The following KCNB2 variants were observed in gnomAD, a reference collection of about 807,000 sequenced individuals.
KCNB2 encodes the protein potassium voltage-gated channel subfamily B member 2.
In KCNB2, 15 loss-of-function variants were observed where a neutral mutation model predicts 61.5. The observed-to-expected ratio is 0.24, with a 90% CI of 0.16 to 0.38. KCNB2 has a LOEUF of 0.38. KCNB2 is among the 10% of genes least tolerant of loss of function. KCNB2 has a pLI of 1.00. For missense variants in KCNB2, 828 were observed against 1,125.2 expected (o/e 0.74, Z 3.78); for synonymous variants, 457 against 446.0 (o/e 1.02, Z -0.31).
intron 2 of KCNB2, among the ~76,000 whole-genome samples, chr8:72,621,448 A>G (rs1805711687): frequency 6.6e-6 from 1 of 152,242 alleles, no homozygotes; most frequent in Non-Finnish European, 1.5e-5. Context: ...CTTGCTTCCC[A>G]GAAAGTTGGT....
At chr8:72,846,790 ATG>A (rs1471713609) in intron 2 of KCNB2, among the ~76,000 whole-genome samples, 1 of 152,112 alleles carries the variant, frequency 6.6e-6, no homozygotes, top group Non-Finnish European at 1.5e-5. Flanking sequence ...AGAAATAGGA[ATG>A]CTTTTACACT....
chr8:72,883,839 A>ATATAAATTG (rs1467992731), intron 2 of KCNB2, among the ~76,000 whole-genome samples: 1 of 152,224 alleles, frequency 6.6e-6, no homozygotes, highest in African/African-American at 2.4e-5. Context: ...CTTGATGGAC[A>ATATAAATTG]TATAAATTGT....
chr8:72,923,839 A>G (rs1369661234), intron 2 of KCNB2, among the ~76,000 whole-genome samples: 2 of 152,192 alleles, frequency 1.3e-5, no homozygotes, highest in Non-Finnish European at 2.9e-5. Context: ...ATTCTGCCCA[A>G]ACTCTTTAGT....
chr8:72,830,740 T>C (rs1809680421), intron 2 of KCNB2, among the ~76,000 whole-genome samples: 1 of 152,220 alleles, frequency 6.6e-6, no homozygotes, highest in Non-Finnish European at 1.5e-5. Context: ...GAACTAGTAA[T>C]CAACACCTGG....
intron 2 of KCNB2, among the ~76,000 whole-genome samples, chr8:72,862,761 G>A (rs979567753): frequency 6.6e-6 from 1 of 152,110 alleles, no homozygotes; most frequent in African/African-American, 2.4e-5. Flanking sequence ...ATTTCTGTGG[G>A]ACTTTCATTT....
chr8:72,639,045 C>T (rs1806011956), intron 2 of KCNB2, among the ~76,000 whole-genome samples: 1 of 152,166 alleles, frequency 6.6e-6, no homozygotes, highest in South Asian at 2.1e-4. Flanking sequence ...AAGCTCCCTC[C>T]TTCTACCTCC....
At chr8:72,789,974 G>A (rs1431716472) in intron 2 of KCNB2, among the ~76,000 whole-genome samples, 1 of 152,058 alleles carries the variant, frequency 6.6e-6, no homozygotes, top group African/African-American at 2.4e-5. Context: ...GTGAGAAGGT[G>A]AGACTGACTC....
chr8:72,588,815 G>A (rs1274543889), intron 2 of KCNB2, among the ~76,000 whole-genome samples: 1 of 152,066 alleles, frequency 6.6e-6, no homozygotes, highest in African/African-American at 2.4e-5. Flanking sequence ...AGAATTGCTT[G>A]AGCCCAGGAG....
intron 2 of KCNB2, among the ~76,000 whole-genome samples, chr8:72,683,560 C>T (rs1291223146): frequency 6.6e-6 from 1 of 152,148 alleles, no homozygotes; most frequent in East Asian, 1.9e-4. Flanking sequence ...GAAGTGTATC[C>T]TTCTACTGGA....
intron 2 of KCNB2, among the ~76,000 whole-genome samples, chr8:72,772,687 G>A (rs1468366299): frequency 6.6e-6 from 1 of 152,160 alleles, no homozygotes; most frequent in Non-Finnish European, 1.5e-5. Flanking sequence ...AATATCTACA[G>A]TATTCAGTGT....
chr8:72,927,499 G>A (rs1229634672), intron 2 of KCNB2, among the ~76,000 whole-genome samples: 1 of 152,094 alleles, frequency 6.6e-6, no homozygotes, highest in Non-Finnish European at 1.5e-5. Context: ...TTGAACTCCT[G>A]ACCACAGATG....
intron 2 of KCNB2, among the ~76,000 whole-genome samples, chr8:72,925,697 A>T (rs1806626803): frequency 6.6e-6 from 1 of 152,196 alleles, no homozygotes; most frequent in African/African-American, 2.4e-5. Flanking sequence ...TTCCTCAAAG[A>T]TCTAGAGGCA....
intron 2 of KCNB2, among the ~76,000 whole-genome samples, chr8:72,725,583 A>ATAT (rs1807629715): frequency 1.2e-5 from 1 of 83,196 alleles, no homozygotes; most frequent in Non-Finnish European, 2.3e-5. Flanking sequence ...ATGTATATAT[A>ATAT]TATGTATGTA....
At chr8:72,556,277 T>G (rs187918709) in intron 1 of KCNB2, among the ~76,000 whole-genome samples, 5 of 152,328 alleles carry the variant, frequency 3.3e-5, no homozygotes, top group Admixed American at 6.5e-5. Flanking sequence ...TCATAGATGC[T>G]AGTAGGTCAT....
rs577277322 is a variant in KCNB2 at position 72,905,097 on chromosome 8, A to G, written c.580-30838A>G. The stretch of plus-strand genomic sequence containing the variant: ...CTTCACCTTCAGTGTTCCTGCTCCT[A>G]TCTATCAAATGGTTATGACCTAAGG... On this transcript the variant is annotated intron_variant, in intron 2 of 2. Transcript: ENST00000523207. Among the ~76,000 whole-genome samples the G allele has an allele frequency of 9.2e-5, 14 of 152,280 alleles. No individual in the cohort carries two copies. In the South Asian group the frequency reaches 2.9e-3, roughly 32 times the overall value.
chr8:72,592,526 T>TA (rs1261832912), intron 2 of KCNB2, among the ~76,000 whole-genome samples: 1 of 152,026 alleles, frequency 6.6e-6, no homozygotes, highest in African/African-American at 2.4e-5. Flanking sequence ...TATGTTGTCT[T>TA]TGGGGCTGCT....
chr8:72,681,249 AAGAC>A (rs1450364876), intron 2 of KCNB2, among the ~76,000 whole-genome samples: 1 of 152,170 alleles, frequency 6.6e-6, no homozygotes, highest in Non-Finnish European at 1.5e-5. Context: ...GAATAGAAAA[AAGAC>A]AGCTTTAGAA....
At chr8:72,900,614 A>C (rs1219983957) in intron 2 of KCNB2, among the ~76,000 whole-genome samples, 1 of 152,180 alleles carries the variant, frequency 6.6e-6, no homozygotes, top group Non-Finnish European at 1.5e-5. Context: ...AAGATCTAAT[A>C]CCCAGAATCT....
intron 2 of KCNB2, among the ~76,000 whole-genome samples, chr8:72,860,700 C>T (rs1035612286): frequency 6.6e-6 from 1 of 152,154 alleles, no homozygotes; most frequent in Non-Finnish European, 1.5e-5. Flanking sequence ...TCATTTCTAC[C>T]CCTAGCATAA....
Sources: allele counts gnomAD v4.1 joint callset (sites outside exome capture counted in the v4.1 genomes callset), GRCh38; gene constraint gnomAD v4.1.1; transcripts MANE v1.5; gene names NCBI Gene and HGNC (gene_info 2026-07-23, HGNC 2026-07-21).